The following XYLT1 variants were observed in gnomAD, a reference collection of about 807,000 sequenced individuals.
XYLT1 encodes the protein xylosyltransferase 1.
Under a neutral mutation model 91.3 loss-of-function variants are expected in XYLT1, and 36 were observed. That is an observed-to-expected ratio of 0.39 (90% CI 0.30 to 0.52). The LOEUF (loss-of-function observed/expected upper bound fraction) is 0.52. Among genes scored for constraint, XYLT1 ranks in the 20% least tolerant of loss-of-function variants. XYLT1 has a pLI of 0.68. For synonymous variants in XYLT1, 588 were observed against 532.0 expected (o/e 1.11, Z -1.45); for missense variants, 1,242 against 1,284.5 (o/e 0.97, Z 0.51).
chr16:17,312,542 C>T lies in XYLT1; in HGVS notation c.402+45470G>A, dbSNP rs1419848443. Among the ~76,000 whole-genome samples, 1 of 152,212 alleles carries T rather than the reference C, an allele frequency of 6.6e-6. No individual in the cohort carries two copies. The highest frequency in any genetic ancestry group is 1.5e-5 in the Non-Finnish European group (1 of 68,046). On this transcript the variant is annotated intron_variant, in intron 2 of 11. Coordinates refer to ENST00000261381, the MANE Select transcript of XYLT1 (RefSeq NM_022166.4). The surrounding 1 kb of genome is among the most constrained non-coding windows in gnomAD (Gnocchi z 4.4). ...TTCTGCACTCCCTCACCCAGCTTCC[C>T]CCAATGGTGACATCTTATGTAACTG... is the stretch of plus-strand genomic sequence containing the variant.
At chr16:17,456,846 C>T (rs2036750411) in intron 1 of XYLT1, among the ~76,000 whole-genome samples, 1 of 152,216 alleles carries the variant, frequency 6.6e-6, no homozygotes, top group African/African-American at 2.4e-5. Context: ...GGAATACTAT[C>T]AGCAGCCACA....
At chr16:17,149,578 C>T (rs1447611103) in intron 6 of XYLT1, among the ~76,000 whole-genome samples, 1 of 152,126 alleles carries the variant, frequency 6.6e-6, no homozygotes, top group African/African-American at 2.4e-5. Context: ...CATATAGACC[C>T]ACAATGCATG....
chr16:17,224,233 G>A (rs774536315), intron 3 of XYLT1, among the ~76,000 whole-genome samples: 1 of 152,144 alleles, frequency 6.6e-6, no homozygotes, highest in African/African-American at 2.4e-5. Context: ...GCGACAAGAC[G>A]GACAGGAGGA....
chr16:17,364,372 G>C (rs2035422032), intron 1 of XYLT1, among the ~76,000 whole-genome samples: 1 of 152,124 alleles, frequency 6.6e-6, no homozygotes, highest in Admixed American at 6.5e-5. Context: ...CCCTAAGATA[G>C]GCTCCTCTTT....
At chr16:17,436,082 T>C (rs1039942959) in intron 1 of XYLT1, among the ~76,000 whole-genome samples, 11 of 152,156 alleles carry the variant, frequency 7.2e-5, no homozygotes, top group Admixed American at 2.6e-4. Flanking sequence ...GATGGTTTAA[T>C]AAATGGGAGT....
chr16:17,372,296 TACTAGTG>T, intron 1 of XYLT1, among the ~76,000 whole-genome samples: 2 of 152,256 alleles, frequency 1.3e-5, no homozygotes, highest in Admixed American at 1.3e-4. Context: ...ATTATCTTAT[TACTAGTG>T]CACTAATCTT....
At chr16:17,260,398 T>C (rs1361065587) in intron 2 of XYLT1, among the ~76,000 whole-genome samples, 3 of 152,200 alleles carry the variant, frequency 2.0e-5, no homozygotes, top group Non-Finnish European at 4.4e-5. Context: ...TCTGAAAGCA[T>C]ATCCAATGTC....
At chr16:17,356,875 T>C (rs2035301380) in intron 2 of XYLT1, among the ~76,000 whole-genome samples, 1 of 151,932 alleles carries the variant, frequency 6.6e-6, no homozygotes. Flanking sequence ...ACAGTTCTAT[T>C]GGTTTAAAAA....
At position 17,319,738 on chromosome 16, in the gene XYLT1, G is replaced by A. The variant is rs113379279; in HGVS notation, c.402+38274C>T. ...TTACAGGCGTGAGCCCCCACACCCC[G>A]CCCAGGAACATCTCATATCAAGATA... is the stretch of plus-strand genomic sequence containing the variant. On this transcript the variant is annotated intron_variant, in intron 2 of 11. Transcript: ENST00000261381. 3.9e-3 allele frequency among the ~76,000 whole-genome samples: 599 copies of A among 152,160 alleles called. 1 individual carries two copies. The highest frequency in any genetic ancestry group is 7.0e-3 in the Non-Finnish European group (478 of 68,006).
chr16:17,311,442 A>G (rs779799582), intron 2 of XYLT1, among the ~76,000 whole-genome samples: 1 of 152,160 alleles, frequency 6.6e-6, no homozygotes, highest in Non-Finnish European at 1.5e-5. Context: ...ATGTGATTCC[A>G]AGAGTCTGGG....
intron 1 of XYLT1, among the ~76,000 whole-genome samples, chr16:17,397,782 G>A (rs977900323): frequency 1.3e-5 from 2 of 150,618 alleles, no homozygotes; most frequent in Non-Finnish European, 3.0e-5. Context: ...AGCGGAATGA[G>A]TCATTGCTAC....
intron 1 of XYLT1, among the ~76,000 whole-genome samples, chr16:17,436,028 C>T (rs556043345): frequency 6.6e-6 from 1 of 152,220 alleles, no homozygotes; most frequent in Non-Finnish European, 1.5e-5. Context: ...GGGGCCGTTT[C>T]CCCCATCCTG....
At chr16:17,119,517 A>G (rs2141486486) in intron 10 of XYLT1, among the ~76,000 whole-genome samples, 1 of 152,338 alleles carries the variant, frequency 6.6e-6, no homozygotes, top group Middle Eastern at 3.4e-3. Flanking sequence ...TCCTATGTGC[A>G]GGGGAAATAG....
Position 17,298,776 on chromosome 16 carries a change from G to T in XYLT1, c.403-39278C>A, listed in dbSNP as rs115235834. On this transcript the variant is annotated intron_variant, in intron 2 of 11. Coordinates refer to ENST00000261381, the MANE Select transcript of XYLT1 (RefSeq NM_022166.4). ...CACTTGCCTCAGGGCCTTTGCACTT[G>T]CTGTTCTCCAGGCCAGGAAAAATAT... is the stretch of plus-strand genomic sequence containing the variant. 2.6e-3 allele frequency among the ~76,000 whole-genome samples: 401 copies of T among 152,192 alleles called. 4 individuals carry two copies. Among genetic ancestry groups the T allele is most frequent in the African/African-American group, 9.4e-3 (390 of 41,534 alleles).
chr16:17,304,311 C>T (rs1261064273), intron 2 of XYLT1, among the ~76,000 whole-genome samples: 1 of 152,126 alleles, frequency 6.6e-6, no homozygotes, highest in Non-Finnish European at 1.5e-5. Flanking sequence ...ATTCTGGCTT[C>T]AGGCACAGGT....
chr16:17,188,047 G>A (rs1288141437), intron 5 of XYLT1, among the ~76,000 whole-genome samples: 1 of 152,034 alleles, frequency 6.6e-6, no homozygotes, highest in Non-Finnish European at 1.5e-5. Context: ...CAAACAGAAG[G>A]TGGCTGCCTG....
chr16:17,173,249 G>A (rs956507187), intron 5 of XYLT1, among the ~76,000 whole-genome samples: 3 of 152,208 alleles, frequency 2.0e-5, no homozygotes, highest in African/African-American at 7.2e-5. Context: ...GATGAAGGCA[G>A]ATTTGTGCAC....
At chr16:17,405,083 C>T (rs1474040923) in intron 1 of XYLT1, among the ~76,000 whole-genome samples, 1 of 148,190 alleles carries the variant, frequency 6.7e-6, no homozygotes, top group East Asian at 2.0e-4. Context: ...CCCGCGCCAC[C>T]TCTCTACACA....
At chr16:17,294,436 T>G (rs1450093074) in intron 2 of XYLT1, among the ~76,000 whole-genome samples, 6 of 152,190 alleles carry the variant, frequency 3.9e-5, no homozygotes, top group Admixed American at 6.5e-5. Flanking sequence ...AACACTATTT[T>G]TATCGTCTTT....
Sources: allele counts gnomAD v4.1 joint callset (sites outside exome capture counted in the v4.1 genomes callset), GRCh38; gene constraint gnomAD v4.1.1; non-coding constraint Gnocchi (gnomAD v3.1); transcripts MANE v1.5; gene names NCBI Gene and HGNC (gene_info 2026-07-23, HGNC 2026-07-21).